The following FGF14 variants were observed in gnomAD, a reference collection of about 807,000 sequenced individuals.
FGF14 encodes the protein fibroblast growth factor 14, also known as fibroblast growth factor homologous factor 4.
Under a neutral mutation model 25.5 loss-of-function variants are expected in FGF14, and 5 were observed. That is an observed-to-expected ratio of 0.20 (90% CI 0.10 to 0.41). The LOEUF (loss-of-function observed/expected upper bound fraction) is 0.41. Among genes scored for constraint, FGF14 ranks in the 10% least tolerant of loss-of-function variants. The probability of loss-of-function intolerance (pLI) is 1.00; values close to 1 mark genes in which losing one functional copy is unlikely to be tolerated. For missense variants in FGF14, 222 were observed against 320.1 expected, an observed-to-expected ratio of 0.69 and a Z score of 2.34; for synonymous variants, 138 against 118.3, an observed-to-expected ratio of 1.17 and a Z score of -1.08.
intron 1 of FGF14, among the ~76,000 whole-genome samples, chr13:102,120,069 G>A (rs998667929): frequency 4.6e-5 from 7 of 152,028 alleles, no homozygotes; most frequent in Non-Finnish European, 8.8e-5. Context: ...TTGATGCCTC[G>A]TTGAGCCCCT....
chr13:102,012,525 T>C (rs1459261896), intron 1 of FGF14, among the ~76,000 whole-genome samples: 7 of 152,148 alleles, frequency 4.6e-5, no homozygotes, highest in African/African-American at 9.7e-5. Context: ...ACTGGCAGGA[T>C]ATAGCTAGAC....
At chr13:101,846,915 G>A (rs377426242) in intron 3 of FGF14, among the ~76,000 whole-genome samples, 1 of 152,002 alleles carries the variant, frequency 6.6e-6, no homozygotes, top group East Asian at 1.9e-4. Flanking sequence ...TCAATTAATT[G>A]GGAGAAGAAG....
chr13:102,120,235 G>A (rs1205781717), intron 1 of FGF14, among the ~76,000 whole-genome samples: 1 of 152,138 alleles, frequency 6.6e-6, no homozygotes, highest in Non-Finnish European at 1.5e-5. Context: ...GAAGATATGG[G>A]CCTAATATGG....
At chr13:102,089,073 A>G in intron 1 of FGF14, among the ~76,000 whole-genome samples, 1 of 152,220 alleles carries the variant, frequency 6.6e-6, no homozygotes. Context: ...TCATAGATAC[A>G]GAATTCAGAA....
At chr13:101,887,322 A>ATGTG (rs139214782) in intron 1 of FGF14, among the ~76,000 whole-genome samples, 3,795 of 145,586 alleles carry the variant, frequency 0.026, 164 homozygotes, top group African/African-American at 0.088. Flanking sequence ...TTTCATATAT[A>ATGTG]TGTGTGTATA....
intron 3 of FGF14, among the ~76,000 whole-genome samples, chr13:101,742,566 A>G (rs1229762776): frequency 2.0e-5 from 3 of 152,156 alleles, no homozygotes; most frequent in Admixed American, 6.5e-5. Context: ...TCAAAATAAA[A>G]TATTTACCTC....
chr13:101,789,024 T>A (rs1323908176), intron 3 of FGF14, among the ~76,000 whole-genome samples: 5 of 149,184 alleles, frequency 3.4e-5, no homozygotes, highest in African/African-American at 1.2e-4. Context: ...ATTATCTTCT[T>A]TCCTTCAACA....
chr13:102,161,599 AAGAAGAAGAAGAAGAAGAAGAAGAAG>A (rs2047676068), intron 1 of FGF14, among the ~76,000 whole-genome samples: 1 of 5,740 alleles, frequency 1.7e-4, no homozygotes, highest in Non-Finnish European at 2.4e-4. Context: ...GAAGAAGAAG[AAGAAGAAGAAGAAGAAGAAGAAGAAG>A]AAGAAGAAGA....
chr13:102,161,664 GAAGAAGAA>G (rs2047746075), intron 1 of FGF14, among the ~76,000 whole-genome samples: 7 of 32,488 alleles, frequency 2.2e-4, no homozygotes, highest in African/African-American at 7.4e-4. Flanking sequence ...AGAAGAAGAA[GAAGAAGAA>G]GAAGAAGAAG....
At chr13:102,194,230 T>G (rs1442231170) in intron 1 of FGF14, among the ~76,000 whole-genome samples, 1 of 152,142 alleles carries the variant, frequency 6.6e-6, no homozygotes, top group Non-Finnish European at 1.5e-5. Context: ...AAATACATAT[T>G]AAATACACAT....
intron 1 of FGF14, among the ~76,000 whole-genome samples, chr13:102,273,642 AT>A (rs528984959): frequency 8.3e-4 from 127 of 152,304 alleles, no homozygotes; most frequent in African/African-American, 3.0e-3. Flanking sequence ...GATTTTTATT[AT>A]TTTTTAACTG....
intron 1 of FGF14, among the ~76,000 whole-genome samples, chr13:102,275,918 T>A (rs1392860574): frequency 6.6e-6 from 1 of 152,092 alleles, no homozygotes; most frequent in African/African-American, 2.4e-5. Context: ...ATAATTGTAA[T>A]CTTAAATTGA....
At chr13:101,856,306 A>G (rs1046718715) in intron 3 of FGF14, among the ~76,000 whole-genome samples, 3 of 151,990 alleles carry the variant, frequency 2.0e-5, no homozygotes, top group African/African-American at 7.2e-5. Flanking sequence ...TTTCTAATTG[A>G]TATTTTTGAA....
intron 1 of FGF14, among the ~76,000 whole-genome samples, chr13:102,155,724 C>G (rs868051633): frequency 7.1e-6 from 1 of 140,246 alleles, no homozygotes; most frequent in African/African-American, 2.6e-5. Context: ...AATCCAGGAG[C>G]TGGTTTTTTT....
At chr13:101,889,361 T>C (rs1211267821) in intron 1 of FGF14, among the ~76,000 whole-genome samples, 3 of 152,180 alleles carry the variant, frequency 2.0e-5, no homozygotes, top group Non-Finnish European at 2.9e-5. Flanking sequence ...AGGATAGTTT[T>C]TGCCTTTTCT....
At chr13:101,931,063 C>T (rs767606175) in intron 1 of FGF14, among the ~76,000 whole-genome samples, 4 of 152,176 alleles carry the variant, frequency 2.6e-5, no homozygotes, top group Non-Finnish European at 5.9e-5. Context: ...CCCATCGGAA[C>T]AAAATATTTA....
chr13:101,853,217 C>G (rs1182074571), intron 3 of FGF14, among the ~76,000 whole-genome samples: 1 of 151,980 alleles, frequency 6.6e-6, no homozygotes, highest in African/African-American at 2.4e-5. Flanking sequence ...TTCTCTTATT[C>G]TATTTCCAAG....
intron 1 of FGF14, among the ~76,000 whole-genome samples, chr13:102,261,304 T>C (rs1337259356): frequency 1.3e-5 from 2 of 152,224 alleles, no homozygotes; most frequent in Non-Finnish European, 2.9e-5. Flanking sequence ...AAGTTTTAAT[T>C]CAGCTTGGTT....
chr13:101,982,238 T>C (rs1471345686), intron 1 of FGF14, among the ~76,000 whole-genome samples: 3 of 152,218 alleles, frequency 2.0e-5, no homozygotes, highest in African/African-American at 4.8e-5. Context: ...ATACTAAATA[T>C]ATATTTCTAA....
Sources: allele counts gnomAD v4.1 joint callset (sites outside exome capture counted in the v4.1 genomes callset), GRCh38; gene constraint gnomAD v4.1.1; transcripts MANE v1.5; gene names NCBI Gene and HGNC (gene_info 2026-07-23, HGNC 2026-07-21).